Variants in ZNF716 observed in about 807,000 individuals in gnomAD.
ZNF716 encodes zinc finger protein 716.
ZNF716 carries 9 observed loss-of-function variants against 13.4 expected under a neutral mutation model. That is an observed-to-expected ratio of 0.67 (90% CI 0.41 to 1.18). The LOEUF is 1.18. Ranked by LOEUF, ZNF716 falls within the 50% of genes most tolerant of loss-of-function variation. The probability of loss-of-function intolerance (pLI) is 0.01; values close to 1 mark genes in which losing one functional copy is unlikely to be tolerated. For missense variants in ZNF716, 581 were observed against 576.6 expected (o/e 1.01, Z -0.08); for synonymous variants, 186 against 195.2 (o/e 0.95, Z 0.39).
chr7:57,469,875 A>C lies in ZNF716; in HGVS notation c.1414A>C (p.Thr472Pro), dbSNP rs1554324976. The C allele has an allele frequency of 2.8e-5, 45 of 1,597,966 alleles. No homozygotes were observed. The highest frequency in any genetic ancestry group is 3.8e-5 in the Non-Finnish European group (44 of 1,171,432). ...CTACAAATGTGAAGAATGTGACCAA[A>C]CTTTTAAGTGGCATTCAAGTCTTGC... Reference protein sequence around the residue: ...KPYKCEECDQTFKWHSSLANH... With the variant: ...KPYKCEECDQPFKWHSSLANH... The change falls in exon 4 of 4, where the codon ACT (threonine) becomes CCT (proline). Residue 472 changes from threonine to proline, a missense_variant. Coordinates refer to ENST00000420713, the MANE Select transcript of ZNF716 (RefSeq NM_001159279.1).
In ZNF716 at chr7:57,470,012, C is replaced by A; in HGVS notation, c.*63C>A. ...AAATAATTTATACTGGAAAAAATCA[C>A]TACAAGTGTGGAGAATGTGGCCAAT... is the stretch of plus-strand genomic sequence containing the variant. On this transcript the variant is annotated 3_prime_UTR_variant, in exon 4 of 4. Coordinates refer to ENST00000420713, the MANE Select transcript of ZNF716 (RefSeq NM_001159279.1). 7.0e-7 allele frequency: 1 copy of A among 1,429,558 alleles called. No individual in the cohort carries two copies. Among genetic ancestry groups the A allele is most frequent in the Non-Finnish European group, 9.3e-7 (1 of 1,078,068 alleles). 88.6% of individuals were successfully genotyped at this position (1,429,558 alleles called of 1,614,324 possible).
At chr7:57,465,153 A>G (rs1367133015) in intron 3 of ZNF716, among the ~76,000 whole-genome samples, 1 of 152,226 alleles carries the variant, frequency 6.6e-6, no homozygotes, top group Non-Finnish European at 1.5e-5. Context: ...GGGTTATCTT[A>G]ACACCTTAGC....
At chr7:57,462,282 A>G (rs1247925015) in intron 1 of ZNF716, 178 bp from the exon 2 acceptor site, 4 of 685,134 alleles carry the variant, frequency 5.8e-6, no homozygotes, top group Admixed American at 2.7e-5. Context: ...CAGTTAGAGA[A>G]TACTTCCATG....
At chr7:57,451,182 GC>G (rs1789485525) in intron 1 of ZNF716, among the ~76,000 whole-genome samples, 1 of 151,910 alleles carries the variant, frequency 6.6e-6, no homozygotes. Context: ...ACCACGCCCG[GC>G]TTTTGTTTTT....
chr7:57,451,571 CTGAGTAG>C (rs1789495614), intron 1 of ZNF716, among the ~76,000 whole-genome samples: 1 of 151,154 alleles, frequency 6.6e-6, no homozygotes, highest in Non-Finnish European at 1.5e-5. Flanking sequence ...CCTCAGCCTC[CTGAGTAG>C]CTGGGATTAC....
chr7:57,456,734 C>CAA (rs112840455), intron 1 of ZNF716, among the ~76,000 whole-genome samples: 1 of 133,720 alleles, frequency 7.5e-6, no homozygotes, highest in African/African-American at 2.7e-5. Flanking sequence ...GACTGCATTT[C>CAA]AAAAAAAAAA....
At chr7:57,459,343 T>G (rs1227493012) in intron 1 of ZNF716, among the ~76,000 whole-genome samples, 1 of 151,102 alleles carries the variant, frequency 6.6e-6, no homozygotes, top group Non-Finnish European at 1.5e-5. Flanking sequence ...GCAGATTCAC[T>G]CAGACATTGC....
In ZNF716 at chr7:57,450,320, G is replaced by A. The variant is rs782593726; in HGVS notation, c.32G>A (p.Arg11Gln). ...AAAAGACCGGGACCCCCTGGAAGCCGAGAAATGGTGAGTGCTGGGTCTGTC... is the reference window on the plus strand; with the variant it reads ...AAAAGACCGGGACCCCCTGGAAGCCAAGAAATGGTGAGTGCTGGGTCTGTC... MAKRPGPPGS[R>Q]EMGLLTFRDI... The change falls in exon 1 of 4, where the codon CGA (arginine) becomes CAA (glutamine). Residue 11 changes from arginine (R) to glutamine (Q), a missense_variant. Physicochemically the swap from Arg to Gln is conservative, Grantham distance 43. Transcript: ENST00000420713. 15 of 1,613,752 alleles carry A rather than the reference G, an allele frequency of 9.3e-6. No homozygotes were observed. The Admixed American group carries it at 1.5e-4, about 16-fold the overall frequency.
At chr7:57,464,812 C>A (rs1174489896) in intron 3 of ZNF716, among the ~76,000 whole-genome samples, 1 of 151,916 alleles carries the variant, frequency 6.6e-6, no homozygotes, top group Non-Finnish European at 1.5e-5. Context: ...CAGTTTTCAA[C>A]ATTGTCTGTT....
At chr7:57,452,518 A>ATCCCAGCTACTCAGGAGG (rs1158360843) in intron 1 of ZNF716, among the ~76,000 whole-genome samples, 3 of 152,122 alleles carry the variant, frequency 2.0e-5, no homozygotes, top group Non-Finnish European at 4.4e-5. Flanking sequence ...AGTGCCTGTA[A>ATCCCAGCTACTCAGGAGG]TCCCAGCTAC....
At chr7:57,460,465 T>C (rs1789688369) in intron 1 of ZNF716, among the ~76,000 whole-genome samples, 1 of 151,004 alleles carries the variant, frequency 6.6e-6, no homozygotes, top group African/African-American at 2.4e-5. Context: ...AACTTGCAAA[T>C]TTTTACTTCT....
chr7:57,463,428 G>A (rs1478160377), intron 3 of ZNF716, among the ~76,000 whole-genome samples: 1 of 152,040 alleles, frequency 6.6e-6, no homozygotes, highest in Non-Finnish European at 1.5e-5. Flanking sequence ...GGCTTATAAG[G>A]GACTGCAAAA....
At chr7:57,454,355 G>C (rs1789549202) in intron 1 of ZNF716, among the ~76,000 whole-genome samples, 1 of 152,180 alleles carries the variant, frequency 6.6e-6, no homozygotes, top group Non-Finnish European at 1.5e-5. Context: ...CTGCATTTCA[G>C]TAATTTTTCT....
intron 3 of ZNF716, among the ~76,000 whole-genome samples, chr7:57,465,354 T>A (rs1554323882): frequency 6.6e-6 from 1 of 152,090 alleles, no homozygotes; most frequent in Non-Finnish European, 1.5e-5. Flanking sequence ...TTGCTCTTCT[T>A]ACATTTTTTT....
rs1315645301 is a variant in ZNF716 at position 57,470,903 on chromosome 7, G to A, written c.*954G>A. Reference sequence around the variant, plus strand: ...TCTAGAAATGTGTTAAATGAGGTAAGTCCTTTAAATGGTAGTTGCATGTTA... The same window carrying A: ...TCTAGAAATGTGTTAAATGAGGTAAATCCTTTAAATGGTAGTTGCATGTTA... On this transcript the variant is annotated 3_prime_UTR_variant, in exon 4 of 4. Coordinates refer to ENST00000420713, the MANE Select transcript of ZNF716 (RefSeq NM_001159279.1). 1 of 152,092 alleles carries A rather than the reference G, an allele frequency of 6.6e-6. No individual in the cohort carries two copies. The highest frequency in any genetic ancestry group is 6.6e-5 in the Admixed American group (1 of 15,260). The allele number at this position is 152,092 out of a possible 1,614,324, so 9.4% of individuals were successfully genotyped here.
At chr7:57,456,205 C>T (rs536576705) in intron 1 of ZNF716, among the ~76,000 whole-genome samples, 5 of 152,224 alleles carry the variant, frequency 3.3e-5, no homozygotes, top group East Asian at 1.9e-4. Flanking sequence ...CCACCCACCT[C>T]GGCTTCCCAA....
chr7:57,464,143 T>A (rs13246254), intron 3 of ZNF716, among the ~76,000 whole-genome samples: 1 of 128,846 alleles, frequency 7.8e-6, no homozygotes, highest in African/African-American at 2.9e-5. Flanking sequence ...TTTTTTGAGA[T>A]GGAGTTTCAC....
At chr7:57,450,874 G>A (rs1189083088) in intron 1 of ZNF716, among the ~76,000 whole-genome samples, 2 of 152,162 alleles carry the variant, frequency 1.3e-5, no homozygotes, top group African/African-American at 4.8e-5. Flanking sequence ...AAGCAAACCC[G>A]ATTAAATAAT....
chr7:57,456,888 G>A (rs1789602328), intron 1 of ZNF716, among the ~76,000 whole-genome samples: 1 of 150,672 alleles, frequency 6.6e-6, no homozygotes, highest in South Asian at 2.1e-4. Flanking sequence ...ACTGCACACT[G>A]TCCTGTGATT....
Sources: gnomAD v4.1 joint callset for allele counts (sites outside exome capture counted in the v4.1 genomes callset) on GRCh38, gnomAD v4.1.1 for gene constraint, MANE v1.5 for transcripts, NCBI Gene and HGNC (gene_info 2026-07-23, HGNC 2026-07-21) for gene names.